ATP8A2: variants seen among roughly 807,000 people sequenced by gnomAD.
ATP8A2 encodes phospholipid-transporting ATPase IB.
A neutral mutation model predicts 165.6 loss-of-function variants in ATP8A2; 100 were observed. The ratio of observed to expected loss-of-function variants is 0.60; its 90% CI spans 0.51 to 0.71. The LOEUF is 0.71. Among genes scored for constraint, ATP8A2 ranks in the 30% least tolerant of loss-of-function variants. ATP8A2 has a pLI of 0.00. For missense variants in ATP8A2, 1,227 were observed against 1,479.5 expected (o/e 0.83, Z 2.80); for synonymous variants, 543 against 548.8 (o/e 0.99, Z 0.15).
intron 1 of ATP8A2, among the ~76,000 whole-genome samples, chr13:25,412,752 C>G (rs1341258250): frequency 2.0e-5 from 3 of 152,212 alleles, no homozygotes; most frequent in African/African-American, 7.2e-5. Flanking sequence ...ACCCACCAGC[C>G]TGTTCCTTCT....
At chr13:25,980,246 AT>A (rs1956148586) in intron 35 of ATP8A2, among the ~76,000 whole-genome samples, 1 of 152,170 alleles carries the variant, frequency 6.6e-6, no homozygotes, top group Non-Finnish European at 1.5e-5. Context: ...GAGCACCTTC[AT>A]GACTGTGCTT....
chr13:25,408,465 G>A (rs141054857), intron 1 of ATP8A2, among the ~76,000 whole-genome samples: 1,762 of 152,114 alleles, frequency 0.012, 29 homozygotes, highest in African/African-American at 0.04. Context: ...ACAGGATGGT[G>A]AGCAGTGAAG....
chr13:25,566,119 T>A (rs536248109), intron 16 of ATP8A2, among the ~76,000 whole-genome samples: 23 of 152,082 alleles, frequency 1.5e-4, no homozygotes, highest in Non-Finnish European at 3.2e-4. Flanking sequence ...TAGTGCCCAT[T>A]TGTTGCTAGC....
intron 33 of ATP8A2, among the ~76,000 whole-genome samples, chr13:25,937,086 C>T (rs1356044977): frequency 6.6e-6 from 1 of 152,076 alleles, no homozygotes; most frequent in Admixed American, 6.5e-5. Context: ...AGAAATGTTT[C>T]ATCTCAGGAG....
At chr13:25,508,377 A>G (rs541758620) in intron 2 of ATP8A2, among the ~76,000 whole-genome samples, 1 of 152,242 alleles carries the variant, frequency 6.6e-6, no homozygotes, top group African/African-American at 2.4e-5. Context: ...ACATATGAAC[A>G]TGGGTCTTTA....
At chr13:25,999,217 G>A (rs186028243) in intron 35 of ATP8A2, among the ~76,000 whole-genome samples, 40 of 152,220 alleles carry the variant, frequency 2.6e-4, no homozygotes, top group African/African-American at 7.7e-4. Flanking sequence ...ACTTGGTTCC[G>A]GCTGAATGAA....
intron 30 of ATP8A2, among the ~76,000 whole-genome samples, chr13:25,845,056 A>T (rs890213623): frequency 2.0e-5 from 3 of 152,204 alleles, no homozygotes; most frequent in Non-Finnish European, 2.9e-5. Flanking sequence ...GTTTGTGATG[A>T]TTCATTTCAA....
chr13:25,613,634 G>T (rs2040748934), intron 24 of ATP8A2, among the ~76,000 whole-genome samples: 1 of 152,122 alleles, frequency 6.6e-6, no homozygotes, highest in African/African-American at 2.4e-5. Flanking sequence ...TGCTGGATTG[G>T]TAGTGGCAAA....
chr13:25,703,229 A>G (rs558792933), intron 25 of ATP8A2, among the ~76,000 whole-genome samples: 106 of 152,094 alleles, frequency 7.0e-4, no homozygotes, highest in Non-Finnish European at 1.3e-3. Flanking sequence ...ACAGGCGCAC[A>G]CCACTATGCC....
At chr13:25,985,150 A>AT (rs971105086) in intron 35 of ATP8A2, among the ~76,000 whole-genome samples, 82 of 152,368 alleles carry the variant, frequency 5.4e-4, no homozygotes, top group African/African-American at 1.9e-3. Flanking sequence ...GTGGTTTGTC[A>AT]TACAAGACCT....
chr13:25,836,885 C>T (rs887457948), intron 28 of ATP8A2, among the ~76,000 whole-genome samples: 8 of 152,286 alleles, frequency 5.3e-5, no homozygotes, highest in Non-Finnish European at 1.2e-4. Flanking sequence ...CATCAGTCTT[C>T]GTTTTACAAA....
In ATP8A2 at chr13:25,534,680, A is replaced by G. The variant is rs1262813962; in HGVS notation, c.507+1367A>G. ...CTGTACCGCATGCAGTTTTATTTCCATTTAAAATGTATTTACTTGGTTTAT... is the reference window on the plus strand; with the variant it reads ...CTGTACCGCATGCAGTTTTATTTCCGTTTAAAATGTATTTACTTGGTTTAT... On this transcript the variant is annotated intron_variant, in intron 6 of 36. Transcript: ENST00000381655. 2.6e-5 allele frequency among the ~76,000 whole-genome samples: 4 copies of G among 152,228 alleles called. No homozygotes were observed. In the East Asian group the frequency reaches 7.7e-4, roughly 29 times the overall value.
chr13:26,003,203 T>C (rs571499483), intron 35 of ATP8A2, among the ~76,000 whole-genome samples: 27 of 152,182 alleles, frequency 1.8e-4, no homozygotes, highest in African/African-American at 6.0e-4. Flanking sequence ...GCTTTCTTTT[T>C]TTTTTTTTAA....
intron 24 of ATP8A2, among the ~76,000 whole-genome samples, chr13:25,609,195 C>T (rs958109779): frequency 6.6e-6 from 1 of 151,406 alleles, no homozygotes; most frequent in African/African-American, 2.4e-5. Context: ...AGGCAACAAG[C>T]AAGTTGATGA....
At chr13:25,508,619 G>A (rs888474760) in intron 2 of ATP8A2, among the ~76,000 whole-genome samples, 6 of 152,222 alleles carry the variant, frequency 3.9e-5, no homozygotes, top group African/African-American at 1.4e-4. Context: ...GTGTGAATAC[G>A]TGTGTTGAGA....
chr13:25,987,539 A>G (rs1047097349), intron 35 of ATP8A2, among the ~76,000 whole-genome samples: 6 of 152,210 alleles, frequency 3.9e-5, no homozygotes, highest in African/African-American at 1.4e-4. Flanking sequence ...CAATGAAGAA[A>G]GACACTGGCA....
chr13:25,825,320 C>T (rs1377887086), intron 27 of ATP8A2, among the ~76,000 whole-genome samples: 1 of 151,332 alleles, frequency 6.6e-6, no homozygotes, highest in Non-Finnish European at 1.5e-5. Context: ...TCACCACACC[C>T]AGCTAACTTT....
intron 27 of ATP8A2, among the ~76,000 whole-genome samples, chr13:25,797,650 T>C (rs1267096006): frequency 2.6e-5 from 4 of 152,292 alleles, no homozygotes; most frequent in Non-Finnish European, 2.9e-5. Flanking sequence ...AGGTTTTATT[T>C]GGTTTAGGTT....
chr13:25,495,965 G>A (rs1416229793), intron 2 of ATP8A2, among the ~76,000 whole-genome samples: 1 of 152,052 alleles, frequency 6.6e-6, no homozygotes, highest in Non-Finnish European at 1.5e-5. Flanking sequence ...CACTAACTGA[G>A]CAGTTTATCC....
Sources: allele counts gnomAD v4.1 joint callset (sites outside exome capture counted in the v4.1 genomes callset), GRCh38; gene constraint gnomAD v4.1.1; transcripts MANE v1.5; gene names NCBI Gene and HGNC (gene_info 2026-07-23, HGNC 2026-07-21).